Variants in MTUS2 observed in about 807,000 individuals in gnomAD.
MTUS2 encodes microtubule associated scaffold protein 2, also known as microtubule-associated tumor suppressor candidate 2.
A neutral mutation model predicts 114.1 loss-of-function variants in MTUS2; 40 were observed. The observed-to-expected ratio is 0.35, with a 90% confidence interval of 0.27 to 0.46. The LOEUF (loss-of-function observed/expected upper bound fraction) is 0.46. Ranked by LOEUF, MTUS2 falls within the 20% of genes least tolerant of loss-of-function variation. The probability of loss-of-function intolerance (pLI) is 1.00; values close to 1 mark genes in which losing one functional copy is unlikely to be tolerated. For missense variants in MTUS2, 1,679 were observed against 1,705.4 expected (o/e 0.98, Z 0.27); for synonymous variants, 688 against 672.0 (o/e 1.02, Z -0.37).
intron 6 of MTUS2, among the ~76,000 whole-genome samples, chr13:29,283,920 G>C (rs78240165): frequency 0.023 from 3,500 of 152,292 alleles, 53 homozygotes; most frequent in African/African-American, 0.04. Flanking sequence ...AACATATTCT[G>C]TTTGTGAGGC....
At chr13:29,207,070 T>C (rs1304407313) in intron 5 of MTUS2, among the ~76,000 whole-genome samples, 1 of 152,220 alleles carries the variant, frequency 6.6e-6, no homozygotes, top group East Asian at 1.9e-4. Flanking sequence ...GTTTGTGTCA[T>C]CTGTGATTTT....
intron 5 of MTUS2, among the ~76,000 whole-genome samples, chr13:29,162,097 C>G (rs1893122849): frequency 6.6e-6 from 1 of 152,208 alleles, no homozygotes; most frequent in South Asian, 2.1e-4. Context: ...TCTGTATTCA[C>G]AGAGGTCCCT....
chr13:28,911,581 C>A (rs1030663832), intron 2 of MTUS2, among the ~76,000 whole-genome samples: 2 of 151,924 alleles, frequency 1.3e-5, no homozygotes, highest in African/African-American at 4.8e-5. Flanking sequence ...AATTGCCACA[C>A]TGTCTTCCAC....
intron 2 of MTUS2, among the ~76,000 whole-genome samples, chr13:28,939,813 G>C (rs887904955): frequency 2.0e-5 from 3 of 152,160 alleles, no homozygotes; most frequent in African/African-American, 7.2e-5. Flanking sequence ...CCCAACGCTG[G>C]GTAATATATA....
chr13:29,400,081 G>A (rs946081258), intron 8 of MTUS2, among the ~76,000 whole-genome samples: 1 of 152,134 alleles, frequency 6.6e-6, no homozygotes, highest in Non-Finnish European at 1.5e-5. Flanking sequence ...AGAGGATGGT[G>A]GGGAAAAGAA....
intron 4 of MTUS2, among the ~76,000 whole-genome samples, chr13:29,058,479 T>G (rs1290570239): frequency 6.6e-6 from 1 of 151,768 alleles, no homozygotes; most frequent in Non-Finnish European, 1.5e-5. Flanking sequence ...TCATTCTTCT[T>G]TATTGTTTTC....
chr13:29,389,011 C>T (rs1452326519), intron 8 of MTUS2, among the ~76,000 whole-genome samples: 3 of 152,042 alleles, frequency 2.0e-5, no homozygotes, highest in Admixed American at 2.0e-4. Flanking sequence ...CATCCATCCA[C>T]CCCCTTCTTT....
chr13:29,129,603 G>C (rs529600639), intron 5 of MTUS2, among the ~76,000 whole-genome samples: 2 of 152,000 alleles, frequency 1.3e-5, no homozygotes, highest in Non-Finnish European at 2.9e-5. Flanking sequence ...TATGGGGTAC[G>C]TGTGATGTTT....
At chr13:29,386,681 T>C (rs1872651890) in intron 8 of MTUS2, among the ~76,000 whole-genome samples, 1 of 152,230 alleles carries the variant, frequency 6.6e-6, no homozygotes, top group South Asian at 2.1e-4. Flanking sequence ...AATTTTCTTC[T>C]GTATTTATTC....
intron 2 of MTUS2, among the ~76,000 whole-genome samples, chr13:28,948,057 G>C (rs563834010): frequency 6.6e-6 from 1 of 152,270 alleles, no homozygotes; most frequent in African/African-American, 2.4e-5. Flanking sequence ...AAAGATGACA[G>C]ATCATTTTCA....
intron 4 of MTUS2, among the ~76,000 whole-genome samples, chr13:29,051,588 G>A (rs1887899700): frequency 6.6e-6 from 1 of 152,174 alleles, no homozygotes; most frequent in African/African-American, 2.4e-5. Flanking sequence ...AGAAGGCTCA[G>A]CAGCAACAGC....
intron 2 of MTUS2, among the ~76,000 whole-genome samples, chr13:28,938,256 C>T (rs1882021679): frequency 6.6e-6 from 1 of 151,958 alleles, no homozygotes; most frequent in Non-Finnish European, 1.5e-5. Flanking sequence ...GTGTCGCGTG[C>T]CTGTAGTCCT....
rs56095961 is a variant in MTUS2, at chr13:29,244,955, C to CAA, written c.2645-36724_2645-36723dup. On this transcript the variant is annotated intron_variant, in intron 5 of 15. Coordinates refer to ENST00000612955, the MANE Select transcript of MTUS2 (RefSeq NM_001033602.4). ...TGGGCGACAGAGCGAGACTCCGTCT[C>CAA]AAAAAAAAAAAAAAAAAAAAAAAAA... Among the ~76,000 whole-genome samples, 20 of 60,504 alleles carry CAA rather than the reference C, an allele frequency of 3.3e-4. 3 individuals carry two copies. Among genetic ancestry groups the CAA allele is most frequent in the Middle Eastern group, 0.014 (1 of 72 alleles). The allele number at this position is 60,504 out of a possible 152,430, so 39.7% of individuals were successfully genotyped here.
chr13:29,307,574 CAG>C (rs549755393), intron 6 of MTUS2: 19 of 1,236,302 alleles, frequency 1.5e-5, no homozygotes, highest in Non-Finnish European at 2.3e-5. Context: ...AAGCAGGTGT[CAG>C]AGGGCCCCCT....
chr13:29,248,317 GCACCACAGT>G (rs1896998728), intron 5 of MTUS2, among the ~76,000 whole-genome samples: 1 of 151,990 alleles, frequency 6.6e-6, no homozygotes, highest in Admixed American at 6.5e-5. Context: ...GCTGATGGGT[GCACCACAGT>G]CTTGGAAATC....
intron 8 of MTUS2, among the ~76,000 whole-genome samples, chr13:29,369,226 A>G (rs1299993839): frequency 1.3e-5 from 2 of 152,134 alleles, no homozygotes; most frequent in Non-Finnish European, 2.9e-5. Context: ...CTATTATCAA[A>G]CGGTTTATTT....
At chr13:29,362,376 C>G (rs146559071) in intron 8 of MTUS2, among the ~76,000 whole-genome samples, 1 of 152,146 alleles carries the variant, frequency 6.6e-6, no homozygotes, top group Non-Finnish European at 1.5e-5. Context: ...ATTTTACTCT[C>G]AAGTGGGAGA....
chr13:29,352,300 G>A (rs538666801), intron 7 of MTUS2, among the ~76,000 whole-genome samples: 54 of 152,264 alleles, frequency 3.5e-4, no homozygotes, highest in Admixed American at 1.3e-4. Context: ...GCACCAACAC[G>A]TCAGAGCTCT....
intron 8 of MTUS2, among the ~76,000 whole-genome samples, chr13:29,422,280 C>G (rs1261307618): frequency 6.6e-6 from 1 of 152,146 alleles, no homozygotes; most frequent in East Asian, 1.9e-4. Context: ...TTATGTACAC[C>G]TGACAGGCTG....
Sources: allele counts gnomAD v4.1 joint callset (sites outside exome capture counted in the v4.1 genomes callset), GRCh38; gene constraint gnomAD v4.1.1; transcripts MANE v1.5; gene names NCBI Gene and HGNC (gene_info 2026-07-23, HGNC 2026-07-21).